HLF: variants seen among roughly 807,000 people sequenced by gnomAD.
HLF encodes the protein HLF transcription factor, PAR bZIP family member, also known as hepatic leukemia factor.
In HLF, 3 loss-of-function variants were observed where a neutral mutation model predicts 22.6. The observed-to-expected ratio is 0.13, with a 90% CI of 0.06 to 0.34. The LOEUF (loss-of-function observed/expected upper bound fraction) is 0.34, where lower values mean the gene tolerates loss of function less well. Ranked by LOEUF, HLF falls within the 10% of genes least tolerant of loss-of-function variation. HLF has a pLI of 1.00. For synonymous variants in HLF, 151 were observed against 151.8 expected (o/e 0.99, Z 0.04); for missense variants, 299 against 389.2 (o/e 0.77, Z 1.95).
At chr17:55,294,680 A>G (rs549116947) in intron 2 of HLF, among the ~76,000 whole-genome samples, 1 of 152,270 alleles carries the variant, frequency 6.6e-6, no homozygotes, top group South Asian at 2.1e-4. Flanking sequence ...CCTTGTGAGT[A>G]CTCAAGGAAT....
In HLF at chr17:55,265,470, T is replaced by A. The variant is rs2080778564; in HGVS notation, c.-15T>A. The A allele has an allele frequency of 7.5e-6, 11 of 1,474,854 alleles. No homozygotes were observed. The highest frequency in any genetic ancestry group is 1.4e-5 in the African/African-American group (1 of 71,358). 91.4% of individuals were successfully genotyped at this position (1,474,854 alleles called of 1,614,324 possible). On this transcript the variant is annotated 5_prime_UTR_variant, in exon 1 of 4. Transcript: ENST00000226067. ...TATTTCTTTTTTTAAGGGGAAAAAA[T>A]TTGAGTGCATCGCGATGGAGAAAAT...
At chr17:55,290,712 T>C (rs1485994506) in intron 2 of HLF, among the ~76,000 whole-genome samples, 1 of 152,144 alleles carries the variant, frequency 6.6e-6, no homozygotes, top group Non-Finnish European at 1.5e-5. Flanking sequence ...GAGTCGCAGG[T>C]CTCTCACTTT....
chr17:55,284,276 A>G (rs2080980863), intron 2 of HLF, among the ~76,000 whole-genome samples: 2 of 152,228 alleles, frequency 1.3e-5, no homozygotes, highest in Non-Finnish European at 2.9e-5. Flanking sequence ...GATCCAGGTA[A>G]CTGTGTGACA....
intron 2 of HLF, chr17:55,271,926 AGAAT>A (rs2080862740): frequency 6.6e-6 from 1 of 152,238 alleles, no homozygotes; most frequent in South Asian, 2.1e-4. Context: ...GTCTGATCAA[AGAAT>A]GAATCAAATA....
intron 3 of HLF, 33 bp downstream of exon 3, chr17:55,315,480 A>G (rs761802214): frequency 1.3e-6 from 2 of 1,500,396 alleles, no homozygotes; most frequent in South Asian, 1.1e-5. Context: ...TCTTTGGGCA[A>G]ATGGAGAGTG....
chr17:55,317,436 G>A (rs1905113801), intron 3 of HLF, among the ~76,000 whole-genome samples: 1 of 152,124 alleles, frequency 6.6e-6, no homozygotes, highest in African/African-American at 2.4e-5. Flanking sequence ...AGCAAGATTA[G>A]TTAATAACCC....
intron 2 of HLF, among the ~76,000 whole-genome samples, chr17:55,277,233 T>TTGTGTGTG (rs371138892): frequency 2.2e-5 from 3 of 138,954 alleles, no homozygotes; most frequent in African/African-American, 8.7e-5. Flanking sequence ...GAACCAGATG[T>TTGTGTGTG]TATGTGTATG....
Position 55,313,136 on chromosome 17 carries a change from A to G in HLF, c.452-2091A>G, listed in dbSNP as rs146266475. ...CCTACTTCCATTGGAGGAAAAACCTAGAGAGAAAGAATGTCAAGAAAGGTT... is the reference window on the plus strand; with the variant it reads ...CCTACTTCCATTGGAGGAAAAACCTGGAGAGAAAGAATGTCAAGAAAGGTT... On this transcript the variant is annotated intron_variant, in intron 2 of 3. Coordinates refer to ENST00000226067, the MANE Select transcript of HLF (RefSeq NM_002126.5). 3.3e-5 allele frequency among the ~76,000 whole-genome samples: 5 copies of G among 152,302 alleles called. No homozygotes were observed. In the East Asian group the frequency reaches 9.6e-4, roughly 29 times the overall value.
intron 2 of HLF, among the ~76,000 whole-genome samples, chr17:55,304,364 A>AG (rs1434764703): frequency 6.6e-6 from 1 of 152,176 alleles, no homozygotes; most frequent in Non-Finnish European, 1.5e-5. Context: ...AATGGCGAGA[A>AG]GGCTCATGGG....
rs1326921127 is a variant in HLF, at chr17:55,320,946, C to T, written c.*67C>T. 2.3e-5 allele frequency: 29 copies of T among 1,246,248 alleles called. No homozygotes were observed. The highest frequency in any genetic ancestry group is 3.0e-5 in the African/African-American group (2 of 67,536). The allele number at this position is 1,246,248 out of a possible 1,614,324, so 77.2% of individuals were successfully genotyped here. On this transcript the variant is annotated 3_prime_UTR_variant, in exon 4 of 4. Coordinates refer to ENST00000226067, the MANE Select transcript of HLF (RefSeq NM_002126.5). This position sits in a 1 kb window ranked among gnomAD's most constrained non-coding sequence, Gnocchi z 4.2. The stretch of plus-strand genomic sequence containing the variant: ...TTGTTTCCTGTCTGATAGCACCACA[C>T]GCAAACCAACCTTTCTGACATCAGC...
chr17:55,324,000 C>T lies in HLF; in HGVS notation c.*3121C>T, dbSNP rs1382642712. The T allele has an allele frequency of 4.4e-6, 1 of 229,348 alleles. No homozygotes were observed. Among genetic ancestry groups the T allele is most frequent in the East Asian group, 6.2e-5 (1 of 16,090 alleles). 14.2% of individuals were successfully genotyped at this position (229,348 alleles called of 1,614,324 possible). ...TTGGCAAAGAAAGGCAAAAATTGAC[C>T]AGCCTATCTTTCTGCTGGTGCTGCC... On this transcript the variant is annotated 3_prime_UTR_variant, in exon 4 of 4. Transcript: ENST00000226067.
At chr17:55,296,130 G>C (rs759046860) in intron 2 of HLF, among the ~76,000 whole-genome samples, 9 of 152,140 alleles carry the variant, frequency 5.9e-5, no homozygotes, top group Non-Finnish European at 1.0e-4. Flanking sequence ...ACCTTCTGGG[G>C]AGTCATGGGT....
intron 2 of HLF, among the ~76,000 whole-genome samples, chr17:55,311,721 A>G (rs897276295): frequency 6.6e-6 from 1 of 152,126 alleles, no homozygotes; most frequent in African/African-American, 2.4e-5. Context: ...GGTTTGTTAC[A>G]TGAATATACT....
intron 2 of HLF, among the ~76,000 whole-genome samples, chr17:55,274,956 C>G (rs2080892710): frequency 6.6e-6 from 1 of 152,238 alleles, no homozygotes; most frequent in Non-Finnish European, 1.5e-5. Context: ...TTGGATTTCT[C>G]TCCTGCTTCT....
In HLF at chr17:55,323,873, A is replaced by G. The variant is rs1385217399; in HGVS notation, c.*2994A>G. ...GAGATTAATTATTTGGCCATTAACA[A>G]TGAATCCAAATCATATCATACTGAC... On this transcript the variant is annotated 3_prime_UTR_variant, in exon 4 of 4. Transcript: ENST00000226067. The G allele has an allele frequency of 8.7e-6, 2 of 228,858 alleles. No individual in the cohort carries two copies. Among genetic ancestry groups the G allele is most frequent in the African/African-American group, 4.4e-5 (2 of 45,074 alleles). 14.2% of individuals were successfully genotyped at this position (228,858 alleles called of 1,614,324 possible). A position where few individuals can be genotyped will look rare whatever the true frequency, so the allele number is the denominator to read the frequency against.
chr17:55,265,636 A>T, intron 1 of HLF, 37 bp downstream of exon 1: 1 of 1,429,634 alleles, frequency 7.0e-7, no homozygotes, highest in Non-Finnish European at 9.6e-7. Context: ...GGAAGGGACG[A>T]CGCTCCGGGG....
chr17:55,269,724 ATTG>A (rs137956874), intron 2 of HLF, among the ~76,000 whole-genome samples: 3,500 of 152,326 alleles, frequency 0.023, 122 homozygotes, highest in African/African-American at 0.077. Context: ...AATTGTGATC[ATTG>A]TTGTATGTGT....
At chr17:55,285,113 T>C (rs936703946) in intron 2 of HLF, among the ~76,000 whole-genome samples, 2 of 152,196 alleles carry the variant, frequency 1.3e-5, no homozygotes, top group Admixed American at 6.5e-5. Flanking sequence ...CCCTCGTTCA[T>C]AGAGAGTTGA....
intron 2 of HLF, among the ~76,000 whole-genome samples, chr17:55,308,187 C>G (rs1264510652): frequency 6.6e-6 from 1 of 152,154 alleles, no homozygotes; most frequent in Admixed American, 6.5e-5. Context: ...CAGTGTACCG[C>G]TGTGGAGACG....
Sources: gnomAD v4.1 joint callset for allele counts (sites outside exome capture counted in the v4.1 genomes callset) on GRCh38, gnomAD v4.1.1 for gene constraint, Gnocchi (gnomAD v3.1) non-coding constraint, MANE v1.5 for transcripts, NCBI Gene and HGNC (gene_info 2026-07-23, HGNC 2026-07-21) for gene names.